Variants in GRM8 observed in about 807,000 individuals in gnomAD.
GRM8 encodes metabotropic glutamate receptor 8.
Under a neutral mutation model 87.2 loss-of-function variants are expected in GRM8, and 47 were observed. The observed-to-expected ratio is 0.54, with a 90% confidence interval of 0.43 to 0.69. GRM8 has a LOEUF of 0.69. Among genes scored for constraint, GRM8 ranks in the 30% least tolerant of loss-of-function variants. GRM8 has a pLI of 0.00. For missense variants in GRM8, 1,019 were observed against 1,139.2 expected (o/e 0.89, Z 1.52); for synonymous variants, 396 against 404.5 (o/e 0.98, Z 0.25).
intron 3 of GRM8, among the ~76,000 whole-genome samples, chr7:127,089,860 C>T (rs1467438586): frequency 2.0e-5 from 3 of 152,154 alleles, no homozygotes; most frequent in East Asian, 1.9e-4. Flanking sequence ...GGAAATAATT[C>T]ATCTGATGTC....
chr7:126,864,499 A>G (rs1798427208), intron 6 of GRM8, among the ~76,000 whole-genome samples: 1 of 152,104 alleles, frequency 6.6e-6, no homozygotes, highest in Non-Finnish European at 1.5e-5. Context: ...TGTCCAATCT[A>G]TTGATAATTT....
chr7:126,764,327 GTTT>G (rs377178208), intron 7 of GRM8, among the ~76,000 whole-genome samples: 1 of 151,698 alleles, frequency 6.6e-6, no homozygotes, highest in African/African-American at 2.4e-5. Context: ...TCGATTTCTA[GTTT>G]TTTTGTTTTG....
chr7:126,937,563 G>A (rs1806466993), intron 3 of GRM8, among the ~76,000 whole-genome samples: 1 of 152,166 alleles, frequency 6.6e-6, no homozygotes, highest in African/African-American at 2.4e-5. Flanking sequence ...AAAGACAGAG[G>A]CCATCAAGGA....
intron 2 of GRM8, among the ~76,000 whole-genome samples, chr7:127,216,517 C>CAA (rs58730624): frequency 0.012 from 749 of 62,706 alleles, 42 homozygotes; most frequent in African/African-American, 0.03. Context: ...GACTCCGTCT[C>CAA]AAAAAAAAAA....
intron 6 of GRM8, among the ~76,000 whole-genome samples, chr7:126,855,993 T>C (rs1339517783): frequency 6.6e-6 from 1 of 152,172 alleles, no homozygotes; most frequent in African/African-American, 2.4e-5. Flanking sequence ...ATTGTGAGAA[T>C]GGAGAGTCTT....
At chr7:127,230,685 C>A (rs538180995) in intron 2 of GRM8, among the ~76,000 whole-genome samples, 2 of 152,080 alleles carry the variant, frequency 1.3e-5, no homozygotes, top group East Asian at 1.9e-4. Context: ...CAGGAGAGAG[C>A]TTTTCTTATC....
intron 3 of GRM8, among the ~76,000 whole-genome samples, chr7:126,934,570 T>C (rs1395152185): frequency 2.0e-5 from 3 of 152,206 alleles, no homozygotes; most frequent in South Asian, 2.1e-4. Flanking sequence ...AGATTCTTTG[T>C]ACCTGTAGTT....
chr7:126,548,394 T>C (rs1388401175), intron 8 of GRM8, among the ~76,000 whole-genome samples: 1 of 151,898 alleles, frequency 6.6e-6, no homozygotes, highest in Non-Finnish European at 1.5e-5. Flanking sequence ...CGTCCTTAAG[T>C]ATATAAAAAA....
intron 3 of GRM8, among the ~76,000 whole-genome samples, chr7:127,105,737 T>A (rs1301896751): frequency 6.6e-6 from 1 of 152,224 alleles, no homozygotes. Context: ...AACAACAACA[T>A]ACTTAATTCA....
chr7:126,518,597 G>A (rs1319789724), intron 9 of GRM8, among the ~76,000 whole-genome samples: 5 of 152,018 alleles, frequency 3.3e-5, no homozygotes, highest in African/African-American at 4.8e-5. Flanking sequence ...TCATACGTTT[G>A]TATCATGCTA....
At chr7:126,977,182 A>G (rs1448544321) in intron 3 of GRM8, among the ~76,000 whole-genome samples, 1 of 152,204 alleles carries the variant, frequency 6.6e-6, no homozygotes, top group African/African-American at 2.4e-5. Context: ...CTTTGAAAAT[A>G]CAAGAAAAAC....
chr7:127,101,384 C>T (rs1324586216), intron 3 of GRM8, among the ~76,000 whole-genome samples: 4 of 152,192 alleles, frequency 2.6e-5, no homozygotes, highest in Non-Finnish European at 5.9e-5. Flanking sequence ...CTGCCAAAAT[C>T]TCATGTGCAA....
intron 6 of GRM8, among the ~76,000 whole-genome samples, chr7:126,782,957 T>C (rs1820241648): frequency 6.6e-6 from 1 of 152,148 alleles, no homozygotes; most frequent in Admixed American, 6.6e-5. Context: ...CCATTCTTCA[T>C]AGGGACAGGG....
chr7:126,646,306 A>AAGGAAGGAAG (rs1554436859), intron 7 of GRM8, among the ~76,000 whole-genome samples: 8 of 35,818 alleles, frequency 2.2e-4, no homozygotes, highest in African/African-American at 5.1e-4. Context: ...AAGGAAGGAA[A>AAGGAAGGAAG]GAAGGAAGGA....
intron 3 of GRM8, among the ~76,000 whole-genome samples, chr7:126,980,713 C>G (rs1218017317): frequency 6.6e-6 from 1 of 152,190 alleles, no homozygotes; most frequent in Non-Finnish European, 1.5e-5. Context: ...GATAGTTCTT[C>G]AGAATTTCTC....
At chr7:126,982,147 C>T (rs1445300798) in intron 3 of GRM8, among the ~76,000 whole-genome samples, 3 of 152,204 alleles carry the variant, frequency 2.0e-5, no homozygotes, top group Non-Finnish European at 4.4e-5. Flanking sequence ...GGGCAGGGAG[C>T]ATCCAGTAAA....
intron 7 of GRM8, among the ~76,000 whole-genome samples, chr7:126,725,071 G>A (rs1023326036): frequency 6.6e-6 from 1 of 152,206 alleles, no homozygotes; most frequent in Non-Finnish European, 1.5e-5. Flanking sequence ...AGATGTTTCT[G>A]AAAGCATCAA....
At chr7:127,211,910 T>G (rs1796233093) in intron 2 of GRM8, among the ~76,000 whole-genome samples, 1 of 152,210 alleles carries the variant, frequency 6.6e-6, no homozygotes, top group Admixed American at 6.5e-5. Flanking sequence ...AACCCTATAC[T>G]TCAGTATTTG....
chr7:126,715,276 G>T (rs1377771590), intron 7 of GRM8, among the ~76,000 whole-genome samples: 1 of 152,134 alleles, frequency 6.6e-6, no homozygotes, highest in Admixed American at 6.5e-5. Context: ...ATTTTAAGCA[G>T]ATACTCACAA....
Sources: gnomAD v4.1 joint callset for allele counts (sites outside exome capture counted in the v4.1 genomes callset) on GRCh38, gnomAD v4.1.1 for gene constraint, MANE v1.5 for transcripts, NCBI Gene and HGNC (gene_info 2026-07-23, HGNC 2026-07-21) for gene names.